Variants in SATL1 observed in about 807,000 individuals in gnomAD.
The protein encoded by SATL1 is spermidine/spermine N1-acetyl transferase like 1.
A neutral mutation model predicts 51.8 loss-of-function variants in SATL1; 47 were observed. The ratio of observed to expected loss-of-function variants is 0.91; its 90% CI spans 0.72 to 1.16. SATL1 has a LOEUF of 1.16. Ranked by LOEUF, SATL1 falls within the 50% of genes most tolerant of loss-of-function variation. The probability of loss-of-function intolerance (pLI) is 0.00; values close to 1 mark genes in which losing one functional copy is unlikely to be tolerated. For synonymous variants in SATL1, 176 were observed against 182.4 expected (o/e 0.97, Z 0.28); for missense variants, 520 against 526.4 (o/e 0.99, Z 0.12).
At chrX:85,109,812 C>T (rs1925218085) in intron 2 of SATL1, among the ~76,000 whole-genome samples, 1 of 110,679 alleles carries the variant, frequency 9.0e-6, no homozygotes, top group Non-Finnish European at 1.9e-5. Flanking sequence ...AGTTCGAGAC[C>T]AGCCTGGCCA....
At chrX:85,183,138 A>G (rs1927242449) in intron 2 of SATL1, among the ~76,000 whole-genome samples, 1 of 111,455 alleles carries the variant, frequency 9.0e-6, no homozygotes, top group African/African-American at 3.3e-5. Flanking sequence ...TCGTAATCAT[A>G]AAGTCTTTTC....
chrX:85,241,067 A>G (rs987211232), intron 1 of SATL1, among the ~76,000 whole-genome samples: 2 of 110,858 alleles, frequency 1.8e-5, no homozygotes, highest in Non-Finnish European at 1.9e-5. Context: ...TTTACGTGGG[A>G]TAGTATTTAC....
In SATL1 at chrX:85,191,365, A is replaced by T. The variant is rs1441871598; in HGVS notation, c.-313+32840T>A. ...CTTAGCTTATCCATCACATCAAACT[A>T]TTATCATTTCTTTTTTTTCCTTGTT... On this transcript the variant is annotated intron_variant, in intron 2 of 7. Transcript: ENST00000644105. 3.6e-5 allele frequency among the ~76,000 whole-genome samples: 4 copies of T among 111,487 alleles called. No individual in the cohort carries two copies. In the Admixed American group the frequency reaches 3.8e-4, roughly 11 times the overall value.
chrX:85,150,860 T>C (rs1926410927), intron 2 of SATL1, among the ~76,000 whole-genome samples: 1 of 109,959 alleles, frequency 9.1e-6, no homozygotes, highest in Non-Finnish European at 1.9e-5. Context: ...GCCAATATCA[T>C]ACTGAATGGA....
At chrX:85,114,494 G>A (rs770398113) in intron 2 of SATL1, among the ~76,000 whole-genome samples, 7 of 111,483 alleles carry the variant, frequency 6.3e-5, no homozygotes, top group Admixed American at 9.6e-5. Flanking sequence ...GAGAGCAACC[G>A]TTAAAGTTCT....
chrX:85,141,318 A>G (rs772112307), intron 2 of SATL1, among the ~76,000 whole-genome samples: 1 of 112,045 alleles, frequency 8.9e-6, no homozygotes, highest in Non-Finnish European at 1.9e-5. Context: ...ATTGGGCAAT[A>G]TGTTGTTAGA....
rs746700844 is a variant in SATL1, at chrX:85,107,891, C to CTGAT, written c.1074_1077dup (p.Gly360IlefsTer104). 2.5e-6 allele frequency: 3 copies of CTGAT among 1,209,116 alleles called. No individual in the cohort carries two copies. The highest frequency in any genetic ancestry group is 3.5e-5 in the African/African-American group (2 of 56,852). ...TGGCTCGTGCTTGATTGTCTGGGGC[C>CTGAT]TGATTGGCTTGGGGCTCGTTGCGGT... On this transcript the variant is annotated frameshift_variant, in exon 3 of 8. Transcript: ENST00000644105. LOFTEE classifies it high-confidence loss of function.
At chrX:85,135,507 T>G in intron 2 of SATL1, among the ~76,000 whole-genome samples, 1 of 109,423 alleles carries the variant, frequency 9.1e-6, no homozygotes, top group East Asian at 2.9e-4. Context: ...TAATTATAAA[T>G]TATATTTTGT....
At chrX:85,230,253 T>C (rs891123850) in intron 1 of SATL1, among the ~76,000 whole-genome samples, 5 of 111,539 alleles carry the variant, frequency 4.5e-5, no homozygotes, top group African/African-American at 1.6e-4. Flanking sequence ...ATAGATATCG[T>C]AGAAATAAAA....
chrX:85,120,242 T>G (rs758212272), intron 2 of SATL1, among the ~76,000 whole-genome samples: 20 of 111,545 alleles, frequency 1.8e-4, no homozygotes, highest in African/African-American at 5.9e-4. Flanking sequence ...TATATTCCCT[T>G]TATTTGTACT....
chrX:85,105,988 A>G (rs1329691878), intron 3 of SATL1, among the ~76,000 whole-genome samples: 1 of 112,110 alleles, frequency 8.9e-6, no homozygotes, highest in East Asian at 2.8e-4. Flanking sequence ...TTTCATTGAA[A>G]TGGGGTAATC....
chrX:85,149,464 C>A (rs1469137082), intron 2 of SATL1, among the ~76,000 whole-genome samples: 1 of 111,515 alleles, frequency 9.0e-6, no homozygotes, highest in African/African-American at 3.3e-5. Context: ...ATCAAGCGGA[C>A]CTATTATACA....
intron 2 of SATL1, among the ~76,000 whole-genome samples, chrX:85,201,584 A>G (rs1206688789): frequency 9.0e-6 from 1 of 111,322 alleles, no homozygotes; most frequent in Admixed American, 9.6e-5. Flanking sequence ...TCAGTACCCA[A>G]GAGTTATTTT....
At chrX:85,113,060 G>C (rs764679486) in intron 2 of SATL1, among the ~76,000 whole-genome samples, 39 of 111,224 alleles carry the variant, frequency 3.5e-4, no homozygotes, top group African/African-American at 1.3e-3. Context: ...TTGGACTCTT[G>C]CTACCTGTCA....
At chrX:85,191,451 T>G (rs1374428194) in intron 2 of SATL1, among the ~76,000 whole-genome samples, 1 of 111,166 alleles carries the variant, frequency 9.0e-6, no homozygotes, top group Non-Finnish European at 1.9e-5. Flanking sequence ...CAAAATCCTC[T>G]TTTCTAGCTA....
At chrX:85,100,661 A>G (rs1407305782) in intron 4 of SATL1, among the ~76,000 whole-genome samples, 1 of 112,122 alleles carries the variant, frequency 8.9e-6, no homozygotes, top group Non-Finnish European at 1.9e-5. Context: ...TGCAGTCCCT[A>G]TTAGAATTCC....
chrX:85,184,798 C>T (rs913908525), intron 2 of SATL1, among the ~76,000 whole-genome samples: 18 of 111,930 alleles, frequency 1.6e-4, no homozygotes, highest in Admixed American at 6.7e-4. Context: ...TGAAAGGTGA[C>T]GTATTTCTAA....
At chrX:85,097,510 T>A (rs1306853632) in intron 4 of SATL1, among the ~76,000 whole-genome samples, 1 of 110,990 alleles carries the variant, frequency 9.0e-6, no homozygotes, top group Non-Finnish European at 1.9e-5. Flanking sequence ...GCTAATTTTT[T>A]AAGGTATTTT....
At chrX:85,183,645 T>G (rs1340488196) in intron 2 of SATL1, among the ~76,000 whole-genome samples, 1 of 111,384 alleles carries the variant, frequency 9.0e-6, no homozygotes, top group Non-Finnish European at 1.9e-5. Flanking sequence ...TTTTCCTTTT[T>G]TAAAAGAAGT....
Sources: gnomAD v4.1 joint callset for allele counts (sites outside exome capture counted in the v4.1 genomes callset) on GRCh38, gnomAD v4.1.1 for gene constraint, MANE v1.5 for transcripts, NCBI Gene and HGNC (gene_info 2026-07-23, HGNC 2026-07-21) for gene names.